The following PTK2B variants were observed in gnomAD, a reference collection of about 807,000 sequenced individuals.
PTK2B encodes protein-tyrosine kinase 2-beta.
In PTK2B, 71 loss-of-function variants were observed where a neutral mutation model predicts 142.9. The observed-to-expected ratio is 0.50, with a 90% CI of 0.41 to 0.61. The LOEUF (loss-of-function observed/expected upper bound fraction) is 0.61. PTK2B is among the 20% of genes least tolerant of loss of function. PTK2B has a pLI of 0.00. For missense variants in PTK2B, 1,105 were observed against 1,320.4 expected, an observed-to-expected ratio of 0.84 and a Z score of 2.53; for synonymous variants, 519 against 503.4, an observed-to-expected ratio of 1.03 and a Z score of -0.42.
chr8:27,454,247 G>A lies in PTK2B; in HGVS notation c.2689G>A (p.Glu897Lys), dbSNP rs748669263. The change falls in exon 29 of 31, where the codon GAG (glutamate) becomes AAG (lysine). Residue 897 changes from glutamate to lysine, a missense_variant. Coordinates refer to ENST00000346049, the MANE Select transcript of PTK2B (RefSeq NM_173176.3). ...LVRAVLELKN[E>K]LCQLPPEGYV... ...GCGGGCCGTGCTGGAGCTCAAGAATGAGCTCTGTCAGCTGCCCCCCGAGGG... is the reference window on the plus strand; with the variant it reads ...GCGGGCCGTGCTGGAGCTCAAGAATAAGCTCTGTCAGCTGCCCCCCGAGGG... 1.2e-6 allele frequency: 2 copies of A among 1,614,136 alleles called. No individual in the cohort carries two copies. Among genetic ancestry groups the A allele is most frequent in the Non-Finnish European group, 1.7e-6 (2 of 1,180,014 alleles).
At chr8:27,311,381 CG>C, upstream of PTK2B, 37 of 1,025,472 alleles carry the variant, frequency 3.6e-5, no homozygotes, top group East Asian at 6.4e-5. Flanking sequence ...GCCAATCGTG[CG>C]GGGGGGATGG....
At chr8:27,336,761 T>A (rs1804089067) in intron 1 of PTK2B, among the ~76,000 whole-genome samples, 2 of 152,210 alleles carry the variant, frequency 1.3e-5, no homozygotes, top group Non-Finnish European at 2.9e-5. Context: ...CTCTTCATGT[T>A]CTGTGGGCAT....
chr8:27,336,306 T>G (rs1455516444), intron 1 of PTK2B, among the ~76,000 whole-genome samples: 1 of 152,238 alleles, frequency 6.6e-6, no homozygotes, highest in African/African-American at 2.4e-5. Context: ...TCATAAGATA[T>G]TATCATCCGT....
At chr8:27,431,053 G>A in intron 8 of PTK2B, 37 bp downstream of exon 8, 2 of 1,592,892 alleles carry the variant, frequency 1.3e-6, no homozygotes, top group Non-Finnish European at 1.7e-6. Context: ...CCCTGACCTG[G>A]ATTCCAGGCC....
chr8:27,448,809 T>C (rs1396653717), intron 24 of PTK2B, among the ~76,000 whole-genome samples: 1 of 152,258 alleles, frequency 6.6e-6, no homozygotes, highest in Non-Finnish European at 1.5e-5. Context: ...GGTGTTGACA[T>C]TTAACTGGGG....
At chr8:27,316,378 A>G (rs1803095169) in intron 3 of PTK2B, among the ~76,000 whole-genome samples, 1 of 152,122 alleles carries the variant, frequency 6.6e-6, no homozygotes, top group South Asian at 2.1e-4. Context: ...AAAAGGCAAG[A>G]CTCAACTATA....
chr8:27,344,397 T>C (rs950987993), intron 1 of PTK2B, among the ~76,000 whole-genome samples: 1 of 152,222 alleles, frequency 6.6e-6, no homozygotes, highest in African/African-American at 2.4e-5. Flanking sequence ...CAGCACCTTC[T>C]GACCCCTCCC....
At chr8:27,342,634 C>T (rs1006396403) in intron 1 of PTK2B, among the ~76,000 whole-genome samples, 1 of 152,178 alleles carries the variant, frequency 6.6e-6, no homozygotes, top group African/African-American at 2.4e-5. Flanking sequence ...TCGAACCCTC[C>T]CCCTGTGTCA....
chr8:27,316,120 A>G (rs879778260), intron 3 of PTK2B, among the ~76,000 whole-genome samples: 1 of 152,216 alleles, frequency 6.6e-6, no homozygotes, highest in African/African-American at 2.4e-5. Context: ...GAGCTTACTC[A>G]AAAGTTCTCA....
intron 22 of PTK2B, 60 bp from the exon 23 acceptor site, chr8:27,444,146 G>C: frequency 6.6e-7 from 1 of 1,504,724 alleles, no homozygotes; most frequent in Non-Finnish European, 9.3e-7. Context: ...GTTCCCCTTG[G>C]TGAGTTGTGT....
intron 21 of PTK2B, among the ~76,000 whole-genome samples, chr8:27,440,945 G>A (rs1157044814): frequency 6.6e-6 from 1 of 152,078 alleles, no homozygotes; most frequent in African/African-American, 2.4e-5. Flanking sequence ...CCCTAGGTCT[G>A]GGGAGGTCAC....
intron 2 of PTK2B, among the ~76,000 whole-genome samples, chr8:27,419,449 C>G (rs758726019): frequency 6.6e-6 from 1 of 152,208 alleles, no homozygotes; most frequent in African/African-American, 2.4e-5. Flanking sequence ...GATGGTAACA[C>G]CTGCTTCCCT....
At chr8:27,394,636 A>T (rs947184545) in intron 1 of PTK2B, among the ~76,000 whole-genome samples, 2 of 152,210 alleles carry the variant, frequency 1.3e-5, no homozygotes, top group Non-Finnish European at 2.9e-5. Context: ...TTTATTTTTT[A>T]AAACTGTATT....
Position 27,397,891 on chromosome 8 carries a change from C to A in PTK2B, c.204+103C>A, listed in dbSNP as rs1808162331. The A allele has an allele frequency of 2.2e-6, 3 of 1,358,732 alleles. No individual in the cohort carries two copies. In the Admixed American group the frequency reaches 5.4e-5, roughly 24 times the overall value. 84.2% of individuals were successfully genotyped at this position (1,358,732 alleles called of 1,614,324 possible). On this transcript the variant is annotated intron_variant, in intron 2 of 30. Coordinates refer to ENST00000346049, the MANE Select transcript of PTK2B (RefSeq NM_173176.3). ...GCCTCGCAGCTCTCCCATATCCACC[C>A]CTGGGTGGAAGAGGTGAGGTGGCAT... is the stretch of plus-strand genomic sequence containing the variant.
At chr8:27,436,024 T>C (rs1810755878) in intron 14 of PTK2B, among the ~76,000 whole-genome samples, 1 of 152,148 alleles carries the variant, frequency 6.6e-6, no homozygotes, top group Non-Finnish European at 1.5e-5. Context: ...GGGATTCTAG[T>C]AACGTGGACC....
intron 12 of PTK2B, 60 bp from the exon 13 acceptor site, chr8:27,434,452 GC>G: frequency 6.5e-7 from 1 of 1,542,738 alleles, no homozygotes; most frequent in African/African-American, 1.4e-5. Flanking sequence ...GGCCGAGGCT[GC>G]CCAGGGGAAC....
At chr8:27,366,342 T>C (rs1056599788) in intron 1 of PTK2B, among the ~76,000 whole-genome samples, 2 of 152,254 alleles carry the variant, frequency 1.3e-5, no homozygotes, top group Non-Finnish European at 2.9e-5. Context: ...AGTTCCCATC[T>C]TCTGAGGTTT....
chr8:27,313,043 C>T (rs1050156475), intron 2 of PTK2B, among the ~76,000 whole-genome samples: 6 of 152,214 alleles, frequency 3.9e-5, no homozygotes, highest in Non-Finnish European at 7.3e-5. Context: ...TTGTAATCCC[C>T]ATAATTCCCA....
intron 1 of PTK2B, among the ~76,000 whole-genome samples, chr8:27,364,045 T>A (rs138383855): frequency 9.5e-4 from 145 of 152,256 alleles, no homozygotes; most frequent in African/African-American, 3.2e-3. Flanking sequence ...TACAAACACC[T>A]GGCAAGGAGT....
Sources: gnomAD v4.1 joint callset for allele counts (sites outside exome capture counted in the v4.1 genomes callset) on GRCh38, gnomAD v4.1.1 for gene constraint, MANE v1.5 for transcripts, NCBI Gene and HGNC (gene_info 2026-07-23, HGNC 2026-07-21) for gene names.